Variants in KMT2E observed in about 807,000 individuals in gnomAD.
The protein encoded by KMT2E is lysine methyltransferase 2E (inactive).
In KMT2E, 30 loss-of-function variants were observed where a neutral mutation model predicts 184.6. That is an observed-to-expected ratio of 0.16 (90% CI 0.12 to 0.22). The LOEUF is 0.22. Among genes scored for constraint, KMT2E ranks in the 10% least tolerant of loss-of-function variants. The pLI is 1.00. For synonymous variants in KMT2E, 815 were observed against 776.5 expected, an observed-to-expected ratio of 1.05 and a Z score of -0.82; for missense variants, 2,023 against 2,237.4, an observed-to-expected ratio of 0.90 and a Z score of 1.93.
chr7:105,096,652 A>G (rs1276684236), intron 15 of KMT2E, among the ~76,000 whole-genome samples: 1 of 151,740 alleles, frequency 6.6e-6, no homozygotes, highest in Admixed American at 6.6e-5. Flanking sequence ...AGGGGAATAA[A>G]AAATGGTGGG....
rs66584948 is a variant in KMT2E, at chr7:105,103,827, C to CT, written c.2197-1594dup. Reference sequence around the variant, plus strand: ...ACTAAGTTCTGTACATTTTCTTTTTCTTTTTTTTTTTTTTTTTTGAGATGG... The same window carrying CT: ...ACTAAGTTCTGTACATTTTCTTTTTCTTTTTTTTTTTTTTTTTTTGAGATGG... On this transcript the variant is annotated intron_variant, in intron 17 of 26. Coordinates refer to ENST00000311117, the MANE Select transcript of KMT2E (RefSeq NM_182931.3). 993 of 117,576 alleles carry CT rather than the reference C, an allele frequency of 8.4e-3. 2 individuals carry two copies. Among genetic ancestry groups the CT allele is most frequent in the South Asian group, 0.021 (81 of 3,808 alleles). The allele number at this position is 117,576 out of a possible 1,614,324, so 7.3% of individuals were successfully genotyped here.
chr7:105,039,014 A>C (rs543582771), intron 2 of KMT2E: 1 of 152,248 alleles, frequency 6.6e-6, no homozygotes, highest in Non-Finnish European at 1.5e-5. Flanking sequence ...CTGTGTTTTT[A>C]GGGAAAGGCA....
At chr7:105,095,641 A>G (rs1034452822) in intron 15 of KMT2E, among the ~76,000 whole-genome samples, 1 of 151,722 alleles carries the variant, frequency 6.6e-6, no homozygotes, top group African/African-American at 2.4e-5. Context: ...TGTCTTTTTT[A>G]TCCTTAAGAA....
chr7:105,112,247 A>T lies in KMT2E; in HGVS notation c.4491A>T (p.Arg1497Ser), dbSNP rs753925318. The T allele has an allele frequency of 1.2e-6, 2 of 1,614,146 alleles. No individual in the cohort carries two copies. Among genetic ancestry groups the T allele is most frequent in the Non-Finnish European group, 1.7e-6 (2 of 1,180,028 alleles). The change falls in exon 27 of 27, where the codon AGA becomes AGT. Residue 1497 changes from arginine to serine, a missense_variant. By Grantham distance (110) the Arg-to-Ser change is moderately radical. Around this residue, in one of 8 missense-constraint regions of KMT2E, gnomAD observed 1,108 missense variants for 1,050.9 expected, o/e 1.05. Coordinates refer to ENST00000311117, the MANE Select transcript of KMT2E (RefSeq NM_182931.3). ...QVGTPQREPQ[R>S]NFYPAAQNLP... ...GAACACCTCAGCGAGAGCCTCAAAG[A>T]AACTTTTATCCAGCAGCACAGAACC...
In KMT2E at chr7:105,113,612, TTTAG is replaced by T. The variant is rs1799435042; in HGVS notation, c.*283_*286del. The T allele has an allele frequency of 9.3e-6, 3 of 321,232 alleles. No homozygotes were observed. The highest frequency in any genetic ancestry group is 1.5e-4 in the South Asian group (2 of 13,386). 19.9% of individuals were successfully genotyped at this position (321,232 alleles called of 1,614,324 possible). A position where few individuals can be genotyped will look rare whatever the true frequency, so the allele number is the denominator to read the frequency against. ...GATGCTGTATGATCTTTTTTTTTTTTTTAGTTAAATTCATTTAGTGAATGTTCTA... is the reference window on the plus strand; with the variant it reads ...GATGCTGTATGATCTTTTTTTTTTTTTTAAATTCATTTAGTGAATGTTCTA... On this transcript the variant is annotated 3_prime_UTR_variant, in exon 27 of 27. Coordinates refer to ENST00000311117, the MANE Select transcript of KMT2E (RefSeq NM_182931.3).
chr7:105,092,817 G>T (rs1351013856), intron 15 of KMT2E, among the ~76,000 whole-genome samples: 1 of 152,080 alleles, frequency 6.6e-6, no homozygotes, highest in African/African-American at 2.4e-5. Context: ...ATTTCTGTGT[G>T]TGGCATGTGT....
intron 5 of KMT2E, 104 bp from the exon 6 acceptor site, chr7:105,066,623 G>T: frequency 1.2e-6 from 1 of 860,686 alleles, no homozygotes; most frequent in South Asian, 1.5e-5. Flanking sequence ...GGAGTACTAA[G>T]CTCAAAGTAG....
intron 3 of KMT2E, among the ~76,000 whole-genome samples, chr7:105,048,514 A>G (rs970654526): frequency 3.9e-5 from 6 of 152,214 alleles, no homozygotes; most frequent in Admixed American, 1.3e-4. Flanking sequence ...TTTTATAGCT[A>G]GCTCAGTTTC....
At chr7:105,051,277 C>T (rs1562892512) in intron 3 of KMT2E, among the ~76,000 whole-genome samples, 4 of 151,960 alleles carry the variant, frequency 2.6e-5, no homozygotes, top group East Asian at 1.9e-4. Context: ...CCTCCGCTTT[C>T]GAGGTTCAAG....
chr7:105,111,396 T>C (rs970674288), intron 26 of KMT2E, among the ~76,000 whole-genome samples: 1 of 151,992 alleles, frequency 6.6e-6, no homozygotes, highest in South Asian at 2.1e-4. Context: ...TGAAAAGGTA[T>C]TAAAAATCAA....
intron 18 of KMT2E, 41 bp from the exon 19 acceptor site, chr7:105,105,818 C>CTGT (rs767055756): frequency 3.0e-5 from 47 of 1,592,826 alleles, no homozygotes; most frequent in Non-Finnish European, 3.7e-5. Flanking sequence ...TAAACAGCTA[C>CTGT]AAAGTGATTC....
rs1274063944 is a variant in KMT2E, at chr7:105,052,099, TTC to T, written c.72-10063_72-10062del. On this transcript the variant is annotated intron_variant, in intron 3 of 26. Coordinates refer to ENST00000311117, the MANE Select transcript of KMT2E (RefSeq NM_182931.3). The stretch of plus-strand genomic sequence containing the variant: ...CCCACTTAAAAAGCTTCCAGTGACT[TTC>T]TGTTTTACTTAAAATATTAACTTTT... Among the ~76,000 whole-genome samples the T allele has an allele frequency of 5.3e-5, 8 of 152,316 alleles. 1 individual carries two copies. The highest frequency in any genetic ancestry group is 2.1e-4 in the South Asian group (1 of 4,828).
chr7:105,060,226 C>T (rs181955251), intron 3 of KMT2E, among the ~76,000 whole-genome samples: 1 of 151,562 alleles, frequency 6.6e-6, no homozygotes, highest in African/African-American at 2.4e-5. Context: ...AACTCCTGAC[C>T]TTGTGATCCA....
Position 105,024,379 on chromosome 7 carries a change from A to G in KMT2E, c.-189+9844A>G, listed in dbSNP as rs913552033. Among the ~76,000 whole-genome samples, 6 of 152,346 alleles carry G rather than the reference A, an allele frequency of 3.9e-5. 1 individual carries two copies. Among genetic ancestry groups the G allele is most frequent in the African/African-American group, 1.4e-4 (6 of 41,572 alleles). ...AGGTATGGCGGAAGGTACAAAAACA[A>G]GCCCCATGATGAACGAAAGGATTTT... On this transcript the variant is annotated intron_variant, in intron 1 of 26. Coordinates refer to ENST00000311117, the MANE Select transcript of KMT2E (RefSeq NM_182931.3).
chr7:105,018,068 C>G (rs1254921054), intron 1 of KMT2E, among the ~76,000 whole-genome samples: 1 of 152,084 alleles, frequency 6.6e-6, no homozygotes, highest in African/African-American at 2.4e-5. Flanking sequence ...TCTTAGTGGT[C>G]TTAGGGAAAT....
At chr7:105,073,917 T>C (rs556017529) in intron 7 of KMT2E, among the ~76,000 whole-genome samples, 6 of 152,298 alleles carry the variant, frequency 3.9e-5, no homozygotes, top group African/African-American at 1.4e-4. Flanking sequence ...AATAAATAAT[T>C]TAAATCAGCC....
At chr7:105,069,182 C>G (rs1389603923) in intron 6 of KMT2E, among the ~76,000 whole-genome samples, 1 of 152,138 alleles carries the variant, frequency 6.6e-6, no homozygotes, top group Admixed American at 6.5e-5. Flanking sequence ...GGTCACTGTT[C>G]CTAGTCTTTT....
At position 105,038,130 on chromosome 7, in the gene KMT2E, A is replaced by G. The variant is rs1795738585; in HGVS notation, c.-184A>G. On this transcript the variant is annotated 5_prime_UTR_variant, in exon 2 of 27. Transcript: ENST00000311117. Reference sequence around the variant, plus strand: ...CTATGTTCACTTGGTTTCTAGGTCTATTCTGGATAAGCAGGTTTTGTGAAG... The same window carrying G: ...CTATGTTCACTTGGTTTCTAGGTCTGTTCTGGATAAGCAGGTTTTGTGAAG... 1 of 152,230 alleles carries G rather than the reference A, an allele frequency of 6.6e-6. No individual in the cohort carries two copies. Among genetic ancestry groups the G allele is most frequent in the South Asian group, 2.1e-4 (1 of 4,838 alleles). The allele number at this position is 152,230 out of a possible 1,614,324, so 9.4% of individuals were successfully genotyped here.
chr7:105,084,360 C>T (rs959792584), intron 13 of KMT2E, among the ~76,000 whole-genome samples: 2 of 152,146 alleles, frequency 1.3e-5, no homozygotes, highest in African/African-American at 4.8e-5. Context: ...GGTGCGGTGG[C>T]TCACACCTGT....
Sources: allele counts gnomAD v4.1 joint callset (sites outside exome capture counted in the v4.1 genomes callset), GRCh38; gene constraint gnomAD v4.1.1; regional missense constraint gnomAD v4.1.1; transcripts MANE v1.5; gene names NCBI Gene and HGNC (gene_info 2026-07-23, HGNC 2026-07-21).